The following ISM1 variants were observed in gnomAD, a reference collection of about 807,000 sequenced individuals.
ISM1 encodes isthmin-1.
ISM1 carries 25 observed loss-of-function variants against 46.3 expected under a neutral mutation model. The observed-to-expected ratio is 0.54, with a 90% CI of 0.39 to 0.75. ISM1 has a LOEUF of 0.75. Ranked by LOEUF, ISM1 falls within the 30% of genes least tolerant of loss-of-function variation. ISM1 has a pLI of 0.00. For missense variants in ISM1, 536 were observed against 625.4 expected (o/e 0.86, Z 1.52); for synonymous variants, 255 against 256.7 (o/e 0.99, Z 0.06).
At chr20:13,318,505 T>C in the ISM1 span, among the ~76,000 whole-genome samples, 2 of 152,312 alleles carry the variant, frequency 1.3e-5, no homozygotes, top group East Asian at 3.9e-4. Flanking sequence ...TGAAAAATTG[T>C]GTCCACACAA....
chr20:13,229,229 TCA>T (rs951262770), intron 1 of ISM1, among the ~76,000 whole-genome samples: 65 of 152,322 alleles, frequency 4.3e-4, no homozygotes, highest in Admixed American at 3.3e-3. Flanking sequence ...GGGTTCAGTT[TCA>T]TTTTTGACAG....
chr20:13,288,655 GA>G lies in ISM1; in HGVS notation c.760del (p.Arg254GlyfsTer22), dbSNP rs756399846. ...CGYACTATES[R>X]TCDRPNCPGI... ...GCTACGCGTGCACTGCAACAGAATCGAGGACCTGTGACCGTCCAAACTGCCC... is the reference window on the plus strand; with the variant it reads ...GCTACGCGTGCACTGCAACAGAATCGGGACCTGTGACCGTCCAAACTGCCC... On this transcript the variant is annotated frameshift_variant, in exon 4 of 6. Transcript: ENST00000262487. LOFTEE classifies it high-confidence loss of function. The G allele has an allele frequency of 1.2e-6, 2 of 1,613,872 alleles. No homozygotes were observed. The highest frequency in any genetic ancestry group is 2.7e-5 in the African/African-American group (2 of 74,928).
intron 5 of ISM1, among the ~76,000 whole-genome samples, chr20:13,296,962 G>C (rs2040412859): frequency 6.6e-6 from 1 of 152,050 alleles, no homozygotes; most frequent in East Asian, 1.9e-4. Context: ...AGGTTGCAGT[G>C]AGCTGAGATC....
intron 1 of ISM1, among the ~76,000 whole-genome samples, chr20:13,243,652 A>T (rs36071481): frequency 0.25 from 37,538 of 151,884 alleles, 4,708 homozygotes; most frequent in African/African-American, 0.3. Context: ...TAAGCTATGA[A>T]TAAAAAAAAA....
At chr20:13,267,204 T>C (rs1478198595) in intron 1 of ISM1, among the ~76,000 whole-genome samples, 3 of 152,232 alleles carry the variant, frequency 2.0e-5, no homozygotes, top group African/African-American at 7.2e-5. Context: ...TAAATATGTT[T>C]TGAAAGAGGT....
chr20:13,282,689 C>T (rs1357882086), intron 3 of ISM1, among the ~76,000 whole-genome samples: 1 of 152,162 alleles, frequency 6.6e-6, no homozygotes, highest in Non-Finnish European at 1.5e-5. Flanking sequence ...GACTGGACAT[C>T]GGGATTGCTA....
chr20:13,309,818 A>G, the ISM1 span, among the ~76,000 whole-genome samples: 142 of 151,692 alleles, frequency 9.4e-4, no homozygotes, highest in African/African-American at 3.4e-3. Context: ...TCCAAAAAAG[A>G]AATCAAGAAA....
At chr20:13,245,502 G>C (rs1348240012) in intron 1 of ISM1, 1 of 152,188 alleles carries the variant, frequency 6.6e-6, no homozygotes, top group African/African-American at 2.4e-5. Context: ...CTCAAAGGGA[G>C]GGGATTGCAC....
intron 2 of ISM1, among the ~76,000 whole-genome samples, chr20:13,273,711 G>T (rs575383750): frequency 7.2e-5 from 11 of 152,168 alleles, no homozygotes; most frequent in Non-Finnish European, 1.5e-4. Flanking sequence ...TGGCCAAATG[G>T]ATTAAAAATT....
chr20:13,281,723 G>C (rs1222096896), intron 3 of ISM1, among the ~76,000 whole-genome samples: 2 of 152,152 alleles, frequency 1.3e-5, no homozygotes, highest in Non-Finnish European at 2.9e-5. Flanking sequence ...GGAATGGGAG[G>C]AAAAGATCAG....
chr20:13,245,352 CA>C (rs1254209838), intron 1 of ISM1: 6 of 152,204 alleles, frequency 3.9e-5, no homozygotes, highest in Non-Finnish European at 5.9e-5. Flanking sequence ...CAGAATTTAT[CA>C]GAGCAGGTAA....
chr20:13,227,684 A>G (rs946632954), intron 1 of ISM1, among the ~76,000 whole-genome samples: 3 of 147,862 alleles, frequency 2.0e-5, no homozygotes, highest in Non-Finnish European at 4.5e-5. Context: ...AATTTTTTGT[A>G]TTTTTAGTAG....
At chr20:13,312,024 C>T in the ISM1 span, among the ~76,000 whole-genome samples, 2 of 151,984 alleles carry the variant, frequency 1.3e-5, no homozygotes, top group African/African-American at 4.8e-5. Flanking sequence ...TCACATTGTA[C>T]ACCATAAATA....
At chr20:13,226,231 T>TA (rs2039523917) in intron 1 of ISM1, among the ~76,000 whole-genome samples, 1 of 152,240 alleles carries the variant, frequency 6.6e-6, no homozygotes, top group African/African-American at 2.4e-5. Flanking sequence ...TTGCCTTCAG[T>TA]AAAACAGCTT....
At chr20:13,243,937 A>G (rs1160456986) in intron 1 of ISM1, 1 of 152,172 alleles carries the variant, frequency 6.6e-6, no homozygotes, top group African/African-American at 2.4e-5. Flanking sequence ...TCCACATAAT[A>G]TGTTTGCTTA....
chr20:13,232,842 G>A (rs967561552), intron 1 of ISM1, among the ~76,000 whole-genome samples: 14 of 152,208 alleles, frequency 9.2e-5, no homozygotes, highest in Non-Finnish European at 1.9e-4. Context: ...ATGAACTACA[G>A]TATATTATGA....
chr20:13,247,215 A>C (rs1030567936), intron 1 of ISM1, among the ~76,000 whole-genome samples: 4 of 152,140 alleles, frequency 2.6e-5, no homozygotes, highest in Non-Finnish European at 5.9e-5. Context: ...TGGGCAAAAA[A>C]ATGTGAATCT....
At chr20:13,235,084 C>A (rs910922559) in intron 1 of ISM1, among the ~76,000 whole-genome samples, 66 of 152,174 alleles carry the variant, frequency 4.3e-4, no homozygotes, top group Admixed American at 4.3e-3. Context: ...GACAACTACT[C>A]CAAATCTCAA....
At chr20:13,228,551 A>T (rs1208850344) in intron 1 of ISM1, among the ~76,000 whole-genome samples, 2 of 152,080 alleles carry the variant, frequency 1.3e-5, no homozygotes, top group Non-Finnish European at 2.9e-5. Flanking sequence ...TGATTTTTTT[A>T]AAAACTTGAT....
Sources: gnomAD v4.1 joint callset for allele counts (sites outside exome capture counted in the v4.1 genomes callset) on GRCh38, gnomAD v4.1.1 for gene constraint, MANE v1.5 for transcripts, NCBI Gene and HGNC (gene_info 2026-07-23, HGNC 2026-07-21) for gene names.